Variants in LRRC49 observed in about 807,000 individuals in gnomAD.
LRRC49 encodes leucine-rich repeat-containing protein 49.
LRRC49 carries 50 observed loss-of-function variants against 83.3 expected under a neutral mutation model. That is an observed-to-expected ratio of 0.60 (90% CI 0.48 to 0.76). The LOEUF is 0.76. Among genes scored for constraint, LRRC49 ranks in the 30% least tolerant of loss-of-function variants. LRRC49 has a pLI of 0.00. For synonymous variants in LRRC49, 286 were observed against 283.3 expected, an observed-to-expected ratio of 1.01 and a Z score of -0.10; for missense variants, 704 against 809.1, an observed-to-expected ratio of 0.87 and a Z score of 1.58.
intron 6 of LRRC49, among the ~76,000 whole-genome samples, chr15:70,916,740 G>A (rs1056134916): frequency 9.2e-5 from 14 of 152,296 alleles, no homozygotes; most frequent in African/African-American, 3.4e-4. Context: ...CCCCTTCCGA[G>A]TTGGGGCGGG....
chr15:70,869,426 T>C (rs554013644), intron 1 of LRRC49, among the ~76,000 whole-genome samples: 9 of 152,304 alleles, frequency 5.9e-5, no homozygotes, highest in African/African-American at 1.9e-4. Flanking sequence ...CTTTCAGTGG[T>C]AGGCGATTGG....
chr15:70,969,973 T>C (rs1282895240), intron 9 of LRRC49, among the ~76,000 whole-genome samples: 1 of 152,302 alleles, frequency 6.6e-6, no homozygotes, highest in East Asian at 1.9e-4. Context: ...TTTATTTCTT[T>C]CTCTTGCCTG....
intron 2 of LRRC49, chr15:70,882,274 G>A: frequency 1.9e-6 from 1 of 521,894 alleles, no homozygotes; most frequent in Non-Finnish European, 3.3e-6. Flanking sequence ...ATGTTTGTGG[G>A]TAGGTATTAT....
In LRRC49 at chr15:70,968,176, C is replaced by T. The variant is rs942652110; in HGVS notation, c.921+4244C>T. On this transcript the variant is annotated intron_variant, in intron 9 of 15. Transcript: ENST00000260382. ...CAACAGGCCCTGGTATGTGATGTTC[C>T]CCTCCCTGTGCCCATGTGTTCTCAT... Among the ~76,000 whole-genome samples, 5 of 152,044 alleles carry T rather than the reference C, an allele frequency of 3.3e-5. 1 individual carries two copies. Among genetic ancestry groups the T allele is most frequent in the South Asian group, 4.2e-4 (2 of 4,806 alleles).
chr15:70,892,974 C>A, intron 1 of LRRC49, 32 bp downstream of exon 1: 1 of 1,610,734 alleles, frequency 6.2e-7, no homozygotes, highest in Non-Finnish European at 8.5e-7. Flanking sequence ...CTCTTTCTTC[C>A]CACTGGTACT....
At chr15:70,955,105 C>T (rs1329814004) in intron 8 of LRRC49, among the ~76,000 whole-genome samples, 1 of 152,048 alleles carries the variant, frequency 6.6e-6, no homozygotes, top group Non-Finnish European at 1.5e-5. Context: ...GCTGGAAATG[C>T]CGCAGGCAGG....
intron 8 of LRRC49, among the ~76,000 whole-genome samples, chr15:70,946,413 T>G (rs529449924): frequency 6.6e-6 from 1 of 152,254 alleles, no homozygotes; most frequent in South Asian, 2.1e-4. Flanking sequence ...TGTCAAAAAT[T>G]ACAGGATTTA....
At chr15:70,922,389 A>G (rs958532521) in intron 7 of LRRC49, among the ~76,000 whole-genome samples, 14 of 152,188 alleles carry the variant, frequency 9.2e-5, no homozygotes, top group African/African-American at 3.4e-4. Context: ...ACATGAATGA[A>G]CTGGAGATCA....
intron 3 of LRRC49, among the ~76,000 whole-genome samples, chr15:70,899,941 C>A (rs1279164416): frequency 6.6e-6 from 1 of 152,108 alleles, no homozygotes; most frequent in Non-Finnish European, 1.5e-5. Flanking sequence ...TTCAAACTGT[C>A]ACGTTTGACC....
At chr15:70,984,394 A>C (rs1030495459) in intron 11 of LRRC49, 137 bp downstream of exon 11, 29 of 704,162 alleles carry the variant, frequency 4.1e-5, no homozygotes, top group Admixed American at 3.3e-5. Flanking sequence ...ATTAAGATGG[A>C]AAAGTTGAAA....
chr15:71,043,819 A>G (rs2039767966), intron 15 of LRRC49, among the ~76,000 whole-genome samples: 1 of 152,238 alleles, frequency 6.6e-6, no homozygotes, highest in African/African-American at 2.4e-5. Flanking sequence ...TTTATTTTCA[A>G]TTGTATAATA....
intron 9 of LRRC49, among the ~76,000 whole-genome samples, chr15:70,964,521 A>G (rs1464161955): frequency 6.6e-6 from 1 of 151,962 alleles, no homozygotes; most frequent in African/African-American, 2.4e-5. Context: ...CAAAGTAGCT[A>G]CCTCTTTTTA....
Position 70,984,209 on chromosome 15 carries a change from C to A in LRRC49, c.1121C>A (p.Pro374His). The A allele has an allele frequency of 6.2e-7, 1 of 1,613,102 alleles. No individual in the cohort carries two copies. Among genetic ancestry groups the A allele is most frequent in the Non-Finnish European group, 8.5e-7 (1 of 1,179,418 alleles). The change falls in exon 11 of 16, where the codon CCC becomes CAC. Residue 374 changes from proline (P) to histidine (H), a missense_variant. This residue lies in a region of LRRC49 where 168 missense variants were observed against 140.6 expected (regional missense o/e 1.20). Coordinates refer to ENST00000260382, the MANE Select transcript of LRRC49 (RefSeq NM_017691.5). ...AAAGATTCTGACTCTCCTCAGGACC[C>A]CTGTCAGATTGATGGAAGCACCCTC... ...DRKDSDSPQD[P>H]CQIDGSTLSA...
chr15:70,909,050 C>T (rs1382896683), intron 5 of LRRC49, among the ~76,000 whole-genome samples: 1 of 152,176 alleles, frequency 6.6e-6, no homozygotes, highest in Non-Finnish European at 1.5e-5. Context: ...GGAATACATA[C>T]TGCACATGAT....
chr15:70,864,934 G>A (rs2032878821), intron 1 of LRRC49, among the ~76,000 whole-genome samples: 1 of 152,118 alleles, frequency 6.6e-6, no homozygotes, highest in African/African-American at 2.4e-5. Context: ...CTGCTTCAGT[G>A]CCAAATTTGG....
chr15:70,987,666 G>A (rs1329658424), intron 11 of LRRC49, among the ~76,000 whole-genome samples: 2 of 151,904 alleles, frequency 1.3e-5, no homozygotes, highest in African/African-American at 2.4e-5. Flanking sequence ...GTTATTTCTT[G>A]CCTTCTACTA....
At chr15:70,964,891 A>T (rs192518630) in intron 9 of LRRC49, among the ~76,000 whole-genome samples, 1 of 152,176 alleles carries the variant, frequency 6.6e-6, no homozygotes, top group Non-Finnish European at 1.5e-5. Context: ...GTATATTAGC[A>T]TCACAATGTG....
intron 1 of LRRC49, among the ~76,000 whole-genome samples, chr15:70,860,582 T>C (rs910821314): frequency 1.3e-5 from 2 of 152,164 alleles, no homozygotes; most frequent in African/African-American, 4.8e-5. Context: ...CTGGCCAGTT[T>C]AAGTTTTTTG....
At chr15:71,022,869 A>G (rs1231880214) in intron 14 of LRRC49, among the ~76,000 whole-genome samples, 1 of 152,350 alleles carries the variant, frequency 6.6e-6, no homozygotes. Flanking sequence ...TCAAGCATAC[A>G]TGGAACATTT....
Sources: gnomAD v4.1 joint callset for allele counts (sites outside exome capture counted in the v4.1 genomes callset) on GRCh38, gnomAD v4.1.1 for gene constraint, gnomAD v4.1.1 regional missense constraint, MANE v1.5 for transcripts, NCBI Gene and HGNC (gene_info 2026-07-23, HGNC 2026-07-21) for gene names.